PXMP2: variants seen among roughly 807,000 people sequenced by gnomAD.
PXMP2 encodes the protein peroxisomal membrane protein 2.
In PXMP2, 13 loss-of-function variants were observed where a neutral mutation model predicts 20.2. That is an observed-to-expected ratio of 0.64 (90% CI 0.42 to 1.02). The LOEUF (loss-of-function observed/expected upper bound fraction) is 1.02, where lower values mean the gene tolerates loss of function less well. PXMP2 is among the 50% of genes least tolerant of loss of function. The pLI, the probability that PXMP2 is intolerant of heterozygous loss-of-function variation, is 0.00. For missense variants in PXMP2, 284 were observed against 251.8 expected (o/e 1.13, Z -0.87); for synonymous variants, 113 against 111.2 (o/e 1.02, Z -0.10).
At position 132,701,274 on chromosome 12, in the gene PXMP2, G is replaced by A. The variant is rs142063460; in HGVS notation, c.424G>A (p.Ala142Thr). Reference protein sequence around the residue: ...LEGKDASAFAAKMRGGFWPAL... With the variant: ...LEGKDASAFATKMRGGFWPAL... ...GGGGAAAGACGCCTCAGCCTTCGCC[G>A]CCAAGATGAGGGGGGGCTTCTGGCC... The change falls in exon 4 of 5, where the codon GCC becomes ACC. Residue 142 changes from alanine (A) to threonine (T), a missense_variant. Transcript: ENST00000317479. 6.3e-4 allele frequency: 1,015 copies of A among 1,612,874 alleles called. 2 individuals carry two copies. The highest frequency in any genetic ancestry group is 8.1e-4 in the Non-Finnish European group (954 of 1,179,732).
chr12:132,690,474 A>G, intron 2 of PXMP2, 98 bp downstream of exon 2: 1 of 907,000 alleles, frequency 1.1e-6, no homozygotes, highest in Non-Finnish European at 1.7e-6. Flanking sequence ...ATTTGGAAAT[A>G]TAATTTTTTA....
chr12:132,701,420 C>T, intron 4 of PXMP2, 51 bp downstream of exon 4: 1 of 1,539,574 alleles, frequency 6.5e-7, no homozygotes, highest in South Asian at 1.2e-5. Context: ...TCAGCCTTTT[C>T]CTTCCTTCCT....
rs748317139 is a variant in PXMP2, at chr12:132,701,232, G to A, written c.400-18G>A. 20 of 1,613,306 alleles carry A rather than the reference G, an allele frequency of 1.2e-5. No homozygotes were observed. Among genetic ancestry groups the A allele is most frequent in the South Asian group, 9.9e-5 (9 of 91,042 alleles). ...TGGGCAGTGAGACTGTTCACCACCCGCCTTCCCTCCTTTGCAGGGGAAAGA... is the reference window on the plus strand; with the variant it reads ...TGGGCAGTGAGACTGTTCACCACCCACCTTCCCTCCTTTGCAGGGGAAAGA... On this transcript the variant is annotated intron_variant, in intron 3 of 4. Transcript: ENST00000317479.
chr12:132,689,307 C>T (rs934665722), intron 1 of PXMP2, among the ~76,000 whole-genome samples: 6 of 151,988 alleles, frequency 3.9e-5, no homozygotes, highest in Non-Finnish European at 7.4e-5. Context: ...GTCCGCACGG[C>T]GCGGGTGGAG....
chr12:132,699,804 C>T (rs767352234), intron 3 of PXMP2, among the ~76,000 whole-genome samples: 66 of 152,108 alleles, frequency 4.3e-4, no homozygotes, highest in Non-Finnish European at 7.2e-4. Context: ...CACGTGTTTG[C>T]TGTTGTGGAT....
chr12:132,704,736 C>G lies in PXMP2; in HGVS notation c.*49C>G. 6.4e-7 allele frequency: 1 copy of G among 1,555,548 alleles called. No individual in the cohort carries two copies. The highest frequency in any genetic ancestry group is 8.8e-7 in the Non-Finnish European group (1 of 1,133,194). On this transcript the variant is annotated 3_prime_UTR_variant, in exon 5 of 5. Coordinates refer to ENST00000317479, the MANE Select transcript of PXMP2 (RefSeq NM_018663.3). ...GCACTGTGGACGTGGGTCTGGGGGT[C>G]TCACCCGCCCAGCGAGAGCAGAACC...
In PXMP2 at chr12:132,696,137, G is replaced by A. The variant is rs2043409078; in HGVS notation, c.399+91G>A. On this transcript the variant is annotated intron_variant, in intron 3 of 4. Coordinates refer to ENST00000317479, the MANE Select transcript of PXMP2 (RefSeq NM_018663.3). This position sits in a 1 kb window ranked among gnomAD's most constrained non-coding sequence, Gnocchi z 4.4. ...CTCGGCAGAATTCAGAGGGTCTGCA[G>A]ATTTTTCACTCAAATTGAAATTTTG... The A allele has an allele frequency of 4.3e-6, 6 of 1,379,798 alleles. No homozygotes were observed. In the South Asian group the frequency reaches 1.0e-4, roughly 23 times the overall value. The allele number at this position is 1,379,798 out of a possible 1,614,324, so 85.5% of individuals were successfully genotyped here.
At chr12:132,695,407 A>G (rs1451159486) in intron 2 of PXMP2, among the ~76,000 whole-genome samples, 1 of 152,206 alleles carries the variant, frequency 6.6e-6, no homozygotes, top group Non-Finnish European at 1.5e-5. Context: ...GACATGTCTG[A>G]TGATTCATTA....
intron 2 of PXMP2, among the ~76,000 whole-genome samples, chr12:132,694,577 CAGTT>C (rs750766853): frequency 1.5e-4 from 16 of 108,490 alleles, no homozygotes; most frequent in African/African-American, 4.2e-4. Flanking sequence ...GCGCCCTTGC[CAGTT>C]AGTTAGTGAG....
chr12:132,689,292 CGCGG>C (rs2043350395), intron 1 of PXMP2, among the ~76,000 whole-genome samples: 8 of 145,410 alleles, frequency 5.5e-5, no homozygotes, highest in African/African-American at 2.0e-4. Context: ...GTCTGCGGGG[CGCGG>C]GTCCGCACGG....
chr12:132,696,930 G>A lies in PXMP2; in HGVS notation c.399+884G>A, dbSNP rs1312014692. 6.6e-6 allele frequency among the ~76,000 whole-genome samples: 1 copy of A among 151,890 alleles called. No homozygotes were observed. The highest frequency in any genetic ancestry group is 1.5e-5 in the Non-Finnish European group (1 of 67,984). Reference sequence around the variant, plus strand: ...GTGGAGGTTGTGGTGAGCTGAGATTGTGCCACTGCACTCCAGTCTGGGCAA... The same window carrying A: ...GTGGAGGTTGTGGTGAGCTGAGATTATGCCACTGCACTCCAGTCTGGGCAA... On this transcript the variant is annotated intron_variant, in intron 3 of 4. Transcript: ENST00000317479. This position sits in a 1 kb window ranked among gnomAD's most constrained non-coding sequence, Gnocchi z 4.4.
intron 2 of PXMP2, among the ~76,000 whole-genome samples, chr12:132,691,404 A>G (rs1351403327): frequency 1.3e-5 from 2 of 152,198 alleles, no homozygotes; most frequent in African/African-American, 4.8e-5. Flanking sequence ...GGTACCCTGA[A>G]AAATGTCCAG....
At chr12:132,689,198 G>A (rs573853636) in intron 1 of PXMP2, among the ~76,000 whole-genome samples, 2 of 146,466 alleles carry the variant, frequency 1.4e-5, no homozygotes, top group Non-Finnish European at 3.0e-5. Flanking sequence ...AGGGCCAAGG[G>A]AGCGGGTCTG....
At chr12:132,697,042 C>T (rs919507228) in intron 3 of PXMP2, among the ~76,000 whole-genome samples, 1 of 151,934 alleles carries the variant, frequency 6.6e-6, no homozygotes, top group Non-Finnish European at 1.5e-5. Context: ...AATCCCAGCA[C>T]TTTGTGAGGC....
At position 132,704,729 on chromosome 12, in the gene PXMP2, T is replaced by TG. The variant is rs756777376; in HGVS notation, c.*47dup. On this transcript the variant is annotated 3_prime_UTR_variant, in exon 5 of 5. Transcript: ENST00000317479. ...ATCAGGTGCACTGTGGACGTGGGTCTGGGGGTCTCACCCGCCCAGCGAGAG... is the reference window on the plus strand; with the variant it reads ...ATCAGGTGCACTGTGGACGTGGGTCTGGGGGGTCTCACCCGCCCAGCGAGAG... 3 of 1,581,250 alleles carry TG rather than the reference T, an allele frequency of 1.9e-6. No individual in the cohort carries two copies. Among genetic ancestry groups the TG allele is most frequent in the Non-Finnish European group, 2.6e-6 (3 of 1,156,158 alleles).
intron 2 of PXMP2, 107 bp downstream of exon 2, chr12:132,690,483 T>C (rs900734265): frequency 1.2e-6 from 1 of 839,022 alleles, no homozygotes; most frequent in Non-Finnish European, 1.9e-6. Context: ...TATAATTTTT[T>C]AAAAACCATT....
At chr12:132,692,658 T>G (rs1413096894) in intron 2 of PXMP2, among the ~76,000 whole-genome samples, 1 of 141,870 alleles carries the variant, frequency 7.0e-6, no homozygotes. Context: ...AGTTAGTTAG[T>G]GAGCGCCCTT....
intron 3 of PXMP2, among the ~76,000 whole-genome samples, chr12:132,698,675 G>C (rs1199339874): frequency 6.6e-6 from 1 of 152,122 alleles, no homozygotes; most frequent in Non-Finnish European, 1.5e-5. Flanking sequence ...CGCCCAGGCT[G>C]GAGTGTGGTG....
rs866198491 is a variant in PXMP2 at position 132,693,455 on chromosome 12, T to G, written c.237-2429T>G. On this transcript the variant is annotated intron_variant, in intron 2 of 4. Coordinates refer to ENST00000317479, the MANE Select transcript of PXMP2 (RefSeq NM_018663.3). ...TTGCCAGTTAGTTAGTGAGCTCCCT[T>G]AGCCAGTTAGTTAGTGAGCTCCCTT... Among the ~76,000 whole-genome samples, 220 of 54,254 alleles carry G rather than the reference T, an allele frequency of 4.1e-3. 5 individuals are homozygous for G. Among genetic ancestry groups the G allele is most frequent in the African/African-American group, 0.013 (212 of 16,350 alleles). The allele number at this position is 54,254 out of a possible 152,430, so 35.6% of individuals were successfully genotyped here. A position where few individuals can be genotyped will look rare whatever the true frequency, so the allele number is the denominator to read the frequency against.
Sources: gnomAD v4.1 joint callset for allele counts (sites outside exome capture counted in the v4.1 genomes callset) on GRCh38, gnomAD v4.1.1 for gene constraint, Gnocchi (gnomAD v3.1) non-coding constraint, MANE v1.5 for transcripts, NCBI Gene and HGNC (gene_info 2026-07-23, HGNC 2026-07-21) for gene names.